Variants in TOR1AIP2 observed in about 807,000 individuals in gnomAD.
The protein encoded by TOR1AIP2 is torsin 1A interacting protein 2.
In TOR1AIP2, 20 loss-of-function variants were observed where a neutral mutation model predicts 32.6. The ratio of observed to expected loss-of-function variants is 0.61; its 90% CI spans 0.43 to 0.89. The LOEUF (loss-of-function observed/expected upper bound fraction) is 0.89, where lower values mean the gene tolerates loss of function less well. Among genes scored for constraint, TOR1AIP2 ranks in the 40% least tolerant of loss-of-function variants. The pLI, the probability that TOR1AIP2 is intolerant of heterozygous loss-of-function variation, is 0.00. For synonymous variants in TOR1AIP2, 214 were observed against 210.8 expected (o/e 1.02, Z -0.13); for missense variants, 456 against 553.8 (o/e 0.82, Z 1.77).
rs769593556 is a variant in TOR1AIP2 at position 179,847,618 on chromosome 1, T to C, written c.572A>G (p.Gln191Arg). 6.2e-7 allele frequency: 1 copy of C among 1,613,260 alleles called. No homozygotes were observed. The highest frequency in any genetic ancestry group is 8.5e-7 in the Non-Finnish European group (1 of 1,179,206). The change falls in exon 6 of 7, where the codon CAA (glutamine) becomes CGA (arginine). Residue 191 changes from glutamine to arginine, a missense_variant. Physicochemically the swap from Gln to Arg is conservative, Grantham distance 43. Coordinates refer to ENST00000609928, the MANE Select transcript of TOR1AIP2 (RefSeq NM_001199260.2). ...LLAPEAGSHPQQTQKLEEIKE... is the reference protein window; with the variant it reads ...LLAPEAGSHPRQTQKLEEIKE... Reference sequence around the variant, plus strand: ...AATTTCTTCCAATTTTTGTGTTTGTTGTGGATGACTTCCAGCCTCTGGAGA... The same window carrying C: ...AATTTCTTCCAATTTTTGTGTTTGTCGTGGATGACTTCCAGCCTCTGGAGA...
rs757590646 is a variant in TOR1AIP2, at chr1:179,846,278, C to T, written c.1206G>A (p.Glu402=). The T allele has an allele frequency of 5.4e-5, 87 of 1,614,084 alleles. 2 individuals carry two copies. The South Asian group carries it at 8.5e-4, about 16-fold the overall frequency. The change falls in exon 7 of 7, where the codon GAG becomes GAA. Residue 402 remains glutamate, a synonymous_variant. Transcript: ENST00000609928. ...GGCCTACACTTGCTTCTAATGTTTC[C>T]TCCTCTAGCAGAACAGTCAGGACCA... The part of the protein sequence containing the change: ...VALVLTVLLE[E]ETLEASVGPR...
intron 5 of TOR1AIP2, among the ~76,000 whole-genome samples, chr1:179,847,955 C>A (rs188077968): frequency 2.0e-5 from 3 of 151,522 alleles, no homozygotes; most frequent in African/African-American, 4.9e-5. Flanking sequence ...ATCGCTTGAA[C>A]CTGGGAGGTG....
intron 3 of TOR1AIP2, among the ~76,000 whole-genome samples, chr1:179,857,215 T>C (rs1473332006): frequency 6.6e-6 from 1 of 152,250 alleles, no homozygotes; most frequent in Non-Finnish European, 1.5e-5. Context: ...CAGTGCTCTA[T>C]ACGTGGCGGT....
chr1:179,862,925 C>CAAAA (rs550277192), intron 3 of TOR1AIP2: 2 of 89,032 alleles, frequency 2.2e-5, no homozygotes, highest in Non-Finnish European at 2.2e-5. Flanking sequence ...GAGACTCCGT[C>CAAAA]AAAAAAAAAA....
Position 179,841,381 on chromosome 1 carries a change from A to C in TOR1AIP2, c.*4690T>G, listed in dbSNP as rs16854828. 6.6e-6 allele frequency: 1 copy of C among 152,226 alleles called. No homozygotes were observed. Among genetic ancestry groups the C allele is most frequent in the Non-Finnish European group, 1.5e-5 (1 of 68,032 alleles). 9.4% of individuals were successfully genotyped at this position (152,226 alleles called of 1,614,324 possible). A position where few individuals can be genotyped will look rare whatever the true frequency, so the allele number is the denominator to read the frequency against. On this transcript the variant is annotated 3_prime_UTR_variant, in exon 7 of 7. Coordinates refer to ENST00000609928, the MANE Select transcript of TOR1AIP2 (RefSeq NM_001199260.2). ...GAAGACAATGCTCCTATAAAATGAT[A>C]TATTATTGGCTTTACAAAGACATAC... is the stretch of plus-strand genomic sequence containing the variant.
Position 179,852,763 on chromosome 1 carries a change from C to A in TOR1AIP2, c.-98G>T. 1 of 1,591,626 alleles carries A rather than the reference C, an allele frequency of 6.3e-7. No homozygotes were observed. Among genetic ancestry groups the A allele is most frequent in the Non-Finnish European group, 8.6e-7 (1 of 1,167,740 alleles). On this transcript the variant is annotated 5_prime_UTR_variant, in exon 4 of 7. Coordinates refer to ENST00000609928, the MANE Select transcript of TOR1AIP2 (RefSeq NM_001199260.2). ...GTTTTCTTCTTGTCCCAAGTCCCAACAGACTCATGCTTCCCATGGACCCAG... is the reference window on the plus strand; with the variant it reads ...GTTTTCTTCTTGTCCCAAGTCCCAAAAGACTCATGCTTCCCATGGACCCAG...
At chr1:179,875,105 TTCTCCTGCCTC>T (rs1697143112) in intron 2 of TOR1AIP2, 1 of 152,468 alleles carries the variant, frequency 6.6e-6, no homozygotes, top group East Asian at 1.9e-4. Flanking sequence ...GTTCAAATGA[TTCTCCTGCCTC>T]AAGCCTCCCG....
intron 2 of TOR1AIP2, chr1:179,868,028 G>A (rs1297445427): frequency 6.6e-6 from 1 of 152,228 alleles, no homozygotes; most frequent in Non-Finnish European, 1.5e-5. Flanking sequence ...AGGGGCCTGG[G>A]AAAATGCTCC....
intron 3 of TOR1AIP2, chr1:179,860,487 A>T: frequency 1.0e-6 from 1 of 985,386 alleles, no homozygotes; most frequent in South Asian, 4.7e-5. Context: ...GTCTCAAAAA[A>T]ACAAAACAAA....
intron 5 of TOR1AIP2, among the ~76,000 whole-genome samples, chr1:179,849,919 TAATA>T (rs1696051501): frequency 1.3e-5 from 2 of 152,238 alleles, no homozygotes; most frequent in Non-Finnish European, 2.9e-5. Context: ...TTCTAATGAT[TAATA>T]AATAAAACAT....
Position 179,851,260 on chromosome 1 carries a change from G to A in TOR1AIP2, c.138C>T (p.Ala46=). The change falls in exon 5 of 7, where the codon GCC becomes GCT. Residue 46 remains alanine (A), a synonymous_variant. Coordinates refer to ENST00000609928, the MANE Select transcript of TOR1AIP2 (RefSeq NM_001199260.2). ...NAEEAEILHS[A]CGLSKDHQEV... ...CTTGGTGGTCTTTGCTAAGACCACA[G>A]GCAGAGTGTAGGATCTCAGCTTCTT... The A allele has an allele frequency of 6.2e-7, 1 of 1,612,384 alleles. No homozygotes were observed. Among genetic ancestry groups the A allele is most frequent in the Non-Finnish European group, 8.5e-7 (1 of 1,179,998 alleles).
At chr1:179,861,520 TCA>T in intron 3 of TOR1AIP2, 1 of 984,676 alleles carries the variant, frequency 1.0e-6, no homozygotes, top group African/African-American at 1.7e-5. Context: ...TATTTTTGAT[TCA>T]TTTTTCTTGC....
intron 2 of TOR1AIP2, chr1:179,875,568 A>G (rs374802393): frequency 2.6e-5 from 4 of 152,350 alleles, no homozygotes; most frequent in African/African-American, 9.6e-5. Context: ...TTTACATGAT[A>G]GATACTCATG....
rs543803679 is a variant in TOR1AIP2, at chr1:179,852,276, AAGG to A, written c.34+353_34+355del. ...GCCTGGGTAACATAAAAAAAAAAAA[AAGG>A]AGAAGAAGAGGAAGAAGAAAGATAC... On this transcript the variant is annotated intron_variant, in intron 4 of 6. Coordinates refer to ENST00000609928, the MANE Select transcript of TOR1AIP2 (RefSeq NM_001199260.2). 9.2e-3 allele frequency among the ~76,000 whole-genome samples: 1,400 copies of A among 152,002 alleles called. 12 individuals are homozygous for A. The highest frequency in any genetic ancestry group is 0.015 in the South Asian group (73 of 4,816).
chr1:179,875,318 C>T (rs1697154864), intron 2 of TOR1AIP2: 1 of 152,086 alleles, frequency 6.6e-6, no homozygotes, highest in Non-Finnish European at 1.5e-5. Context: ...CTAATTTTTT[C>T]CTTGGTTTTC....
At chr1:179,852,564 A>AT (rs1290515099) in intron 4 of TOR1AIP2, 68 bp downstream of exon 4, 1 of 1,547,970 alleles carries the variant, frequency 6.5e-7, no homozygotes, top group Non-Finnish European at 8.9e-7. Flanking sequence ...GTCATCAGAG[A>AT]TTTTCTCTCT....
Position 179,854,877 on chromosome 1 carries a change from A to G in TOR1AIP2, c.-146-2066T>C, listed in dbSNP as rs377218082. On this transcript the variant is annotated intron_variant, in intron 3 of 6. Coordinates refer to ENST00000609928, the MANE Select transcript of TOR1AIP2 (RefSeq NM_001199260.2). The stretch of plus-strand genomic sequence containing the variant: ...CACAGCAAGACTCTGTCAAAAACAA[A>G]CAAACAAACAAAAAACTTAAAGTAA... 6.6e-5 allele frequency among the ~76,000 whole-genome samples: 10 copies of G among 152,306 alleles called. No homozygotes were observed. The East Asian group carries it at 1.3e-3, about 21-fold the overall frequency.
intron 3 of TOR1AIP2, chr1:179,864,137 C>G: frequency 1.0e-6 from 1 of 985,408 alleles, no homozygotes; most frequent in Non-Finnish European, 1.2e-6. Flanking sequence ...TTCTGCATAA[C>G]CTATATAGGT....
At chr1:179,870,674 C>CA in intron 2 of TOR1AIP2, among the ~76,000 whole-genome samples, 1 of 151,260 alleles carries the variant, frequency 6.6e-6, no homozygotes, top group East Asian at 1.9e-4. Context: ...TCTAATAAAA[C>CA]AAAAAACTAA....
Sources: allele counts gnomAD v4.1 joint callset (sites outside exome capture counted in the v4.1 genomes callset), GRCh38; gene constraint gnomAD v4.1.1; transcripts MANE v1.5; gene names NCBI Gene and HGNC (gene_info 2026-07-23, HGNC 2026-07-21).